Variants in PTPRM observed in about 807,000 individuals in gnomAD.
PTPRM encodes protein tyrosine phosphatase receptor type M, also known as receptor-type tyrosine-protein phosphatase mu.
In PTPRM, 47 loss-of-function variants were observed where a neutral mutation model predicts 186.7. The observed-to-expected ratio is 0.25, with a 90% CI of 0.20 to 0.32. PTPRM has a LOEUF of 0.32. Ranked by LOEUF, PTPRM falls within the 10% of genes least tolerant of loss-of-function variation. The pLI, the probability that PTPRM is intolerant of heterozygous loss-of-function variation, is 1.00. For synonymous variants in PTPRM, 668 were observed against 674.9 expected (o/e 0.99, Z 0.16); for missense variants, 1,494 against 1,865.0 (o/e 0.80, Z 3.66).
At chr18:7,676,035 C>G (rs534039484) in intron 1 of PTPRM, among the ~76,000 whole-genome samples, 1 of 152,214 alleles carries the variant, frequency 6.6e-6, no homozygotes, top group Non-Finnish European at 1.5e-5. Flanking sequence ...CTGTGCCCGG[C>G]CTTTCAGCAT....
chr18:8,201,485 G>T (rs1450223953), intron 14 of PTPRM, among the ~76,000 whole-genome samples: 8 of 152,122 alleles, frequency 5.3e-5, no homozygotes, highest in Non-Finnish European at 1.0e-4. Context: ...ATTAGGTTGT[G>T]GTGCTATTAC....
intron 2 of PTPRM, among the ~76,000 whole-genome samples, chr18:7,797,111 C>T (rs751447294): frequency 6.6e-6 from 1 of 152,164 alleles, no homozygotes; most frequent in Non-Finnish European, 1.5e-5. Flanking sequence ...TTTCTAGGTT[C>T]TCTAAAATGA....
At chr18:7,598,658 C>T (rs1941134) in intron 1 of PTPRM, among the ~76,000 whole-genome samples, 1 of 152,076 alleles carries the variant, frequency 6.6e-6, no homozygotes, top group African/African-American at 2.4e-5. Context: ...TCTTGGAAGA[C>T]ATGTTTTTTG....
intron 14 of PTPRM, among the ~76,000 whole-genome samples, chr18:8,188,080 T>A (rs1180000288): frequency 6.6e-6 from 1 of 152,156 alleles, no homozygotes; most frequent in Non-Finnish European, 1.5e-5. Context: ...GGCTCCTAAA[T>A]CTCACAAATG....
rs1343932984 is a variant in PTPRM at position 8,394,627 on chromosome 18, T to G, written c.4344+16T>G. 5.6e-6 allele frequency: 9 copies of G among 1,597,246 alleles called. No individual in the cohort carries two copies. Among genetic ancestry groups the G allele is most frequent in the Non-Finnish European group, 7.7e-6 (9 of 1,170,516 alleles). ...CGACCTCCTGGTAGGACACCCCCTC[T>G]GAGCTGTTCCATGAGACACCCCATT... is the stretch of plus-strand genomic sequence containing the variant. On this transcript the variant is annotated intron_variant, in intron 32 of 32. Coordinates refer to ENST00000580170, the MANE Select transcript of PTPRM (RefSeq NM_001105244.2).
chr18:7,865,166 T>C (rs1338745053), intron 2 of PTPRM, among the ~76,000 whole-genome samples: 1 of 152,160 alleles, frequency 6.6e-6, no homozygotes, highest in Admixed American at 6.5e-5. Flanking sequence ...GACTTCCTCT[T>C]TTCCTAGTTG....
At chr18:8,089,351 T>G (rs188868216) in intron 11 of PTPRM, among the ~76,000 whole-genome samples, 6 of 152,226 alleles carry the variant, frequency 3.9e-5, no homozygotes, top group African/African-American at 1.4e-4. Context: ...TGTGAAGTCT[T>G]TATCTGAACA....
intron 2 of PTPRM, among the ~76,000 whole-genome samples, chr18:7,859,961 A>G (rs1220258163): frequency 1.3e-5 from 2 of 152,200 alleles, no homozygotes. Flanking sequence ...AGGCAAAAGT[A>G]CAAGTGGAGG....
chr18:8,287,097 TA>T (rs369293033), intron 19 of PTPRM, among the ~76,000 whole-genome samples: 38 of 147,716 alleles, frequency 2.6e-4, no homozygotes, highest in African/African-American at 5.2e-4. Context: ...ATGTTTGCTT[TA>T]AAAAAAAAAG....
At chr18:7,935,277 C>G (rs1343171071) in intron 5 of PTPRM, among the ~76,000 whole-genome samples, 1 of 152,048 alleles carries the variant, frequency 6.6e-6, no homozygotes, top group Non-Finnish European at 1.5e-5. Flanking sequence ...ATTTTGAGTA[C>G]TTAAAATCAC....
chr18:7,636,098 G>T (rs949064139), intron 1 of PTPRM, among the ~76,000 whole-genome samples: 2 of 152,186 alleles, frequency 1.3e-5, no homozygotes, highest in East Asian at 3.9e-4. Context: ...CTTTCAAAAA[G>T]TATTTGCTTG....
At chr18:7,946,728 T>C (rs934839796) in intron 5 of PTPRM, 1 of 293,152 alleles carries the variant, frequency 3.4e-6, no homozygotes, top group Non-Finnish European at 6.8e-6. Context: ...GGACTTTATT[T>C]TCTGACTTAC....
chr18:7,588,070 G>A (rs1348619504), intron 1 of PTPRM, among the ~76,000 whole-genome samples: 1 of 152,052 alleles, frequency 6.6e-6, no homozygotes, highest in Non-Finnish European at 1.5e-5. Flanking sequence ...AATCTACTTT[G>A]TTTCTTATTA....
intron 1 of PTPRM, among the ~76,000 whole-genome samples, chr18:7,620,735 G>A (rs2037917860): frequency 6.6e-6 from 1 of 152,098 alleles, no homozygotes; most frequent in Non-Finnish European, 1.5e-5. Context: ...TATCACTGAA[G>A]CAGCTCCAAG....
intron 23 of PTPRM, among the ~76,000 whole-genome samples, chr18:8,348,198 A>G (rs1209260856): frequency 6.6e-6 from 1 of 152,278 alleles, no homozygotes; most frequent in Non-Finnish European, 1.5e-5. Flanking sequence ...AGCTAGGCGG[A>G]TGCGTGTTTG....
intron 1 of PTPRM, among the ~76,000 whole-genome samples, chr18:7,667,411 C>G (rs568251420): frequency 6.6e-6 from 1 of 152,150 alleles, no homozygotes; most frequent in Non-Finnish European, 1.5e-5. Flanking sequence ...GGAACCCCCT[C>G]GGGCCTATAG....
intron 5 of PTPRM, among the ~76,000 whole-genome samples, chr18:7,933,241 G>A (rs929917750): frequency 1.3e-5 from 2 of 152,170 alleles, no homozygotes; most frequent in Admixed American, 6.5e-5. Flanking sequence ...GGCATAAAGT[G>A]TGCTTCCTTC....
At chr18:7,738,976 A>C (rs1242558351) in intron 1 of PTPRM, among the ~76,000 whole-genome samples, 1 of 151,956 alleles carries the variant, frequency 6.6e-6, no homozygotes, top group Non-Finnish European at 1.5e-5. Flanking sequence ...TTTTGGTGCA[A>C]GTTTGGCTTT....
chr18:7,678,060 G>A (rs555625745), intron 1 of PTPRM, among the ~76,000 whole-genome samples: 1 of 152,200 alleles, frequency 6.6e-6, no homozygotes, highest in African/African-American at 2.4e-5. Context: ...GGGGCTCTGT[G>A]TGTATTTGTG....
Sources: allele counts gnomAD v4.1 joint callset (sites outside exome capture counted in the v4.1 genomes callset), GRCh38; gene constraint gnomAD v4.1.1; transcripts MANE v1.5; gene names NCBI Gene and HGNC (gene_info 2026-07-23, HGNC 2026-07-21).